Variants in GPN1 observed in about 807,000 individuals in gnomAD.
The protein encoded by GPN1 is GPN-loop GTPase 1.
In GPN1, 44 loss-of-function variants were observed where a neutral mutation model predicts 55.9. The ratio of observed to expected loss-of-function variants is 0.79; its 90% CI spans 0.62 to 1.01. The LOEUF (loss-of-function observed/expected upper bound fraction) is 1.01, where lower values mean the gene tolerates loss of function less well. GPN1 is among the 50% of genes least tolerant of loss of function. The probability of loss-of-function intolerance (pLI) is 0.00; values close to 1 mark genes in which losing one functional copy is unlikely to be tolerated. For synonymous variants in GPN1, 179 were observed against 162.5 expected, an observed-to-expected ratio of 1.10 and a Z score of -0.77; for missense variants, 466 against 462.8, an observed-to-expected ratio of 1.01 and a Z score of -0.06.
intron 5 of GPN1, 82 bp downstream of exon 5, chr2:27,632,752 G>A (rs570103913): frequency 1.1e-6 from 1 of 917,504 alleles, no homozygotes; most frequent in Non-Finnish European, 1.8e-6. Context: ...GATACCATCA[G>A]CCTCTGAAAG....
rs543997693 is a variant in GPN1 at position 27,630,775 on chromosome 2, G to A, written c.206-252G>A. Among the ~76,000 whole-genome samples, 5 of 152,138 alleles carry A rather than the reference G, an allele frequency of 3.3e-5. No homozygotes were observed. The South Asian group carries it at 1.0e-3, about 32-fold the overall frequency. On this transcript the variant is annotated intron_variant, in intron 2 of 13. Transcript: ENST00000610189. ...CTTGATTTTTGCCTCCCTTTTTCTA[G>A]GCATGTTTAAGTTGCATGAAACTTT... is the stretch of plus-strand genomic sequence containing the variant.
At chr2:27,649,822 C>T (rs150858504) in intron 13 of GPN1, among the ~76,000 whole-genome samples, 2 of 152,262 alleles carry the variant, frequency 1.3e-5, no homozygotes, top group Admixed American at 6.5e-5. Context: ...CAACTATAAA[C>T]GTTTCCAAAT....
chr2:27,628,935 C>G, upstream of GPN1: 1 of 1,513,362 alleles, frequency 6.6e-7, no homozygotes, highest in South Asian at 1.3e-5. Flanking sequence ...CCCTGGCAAC[C>G]GCCGCGCCCC....
At chr2:27,628,877 C>T, upstream of GPN1, 5 of 1,465,154 alleles carry the variant, frequency 3.4e-6, no homozygotes, top group Non-Finnish European at 4.5e-6. Context: ...CACTTCCTCG[C>T]CACTGTCACT....
At chr2:27,645,361 C>T (rs954388879) in intron 12 of GPN1, among the ~76,000 whole-genome samples, 2 of 152,038 alleles carry the variant, frequency 1.3e-5, no homozygotes, top group African/African-American at 4.8e-5. Flanking sequence ...AATTATGTTT[C>T]AATATCTGCT....
At position 27,629,054 on chromosome 2, in the gene GPN1, G is replaced by A. The variant is rs1330121494; in HGVS notation, c.-5G>A. Reference sequence around the variant, plus strand: ...TATGGTCGGGTGGGTGGGGCCAGGAGGAAGATGGCGGCGTCCGCAGCTGCC... The same window carrying A: ...TATGGTCGGGTGGGTGGGGCCAGGAAGAAGATGGCGGCGTCCGCAGCTGCC... On this transcript the variant is annotated 5_prime_UTR_variant, in exon 1 of 14. Transcript: ENST00000610189. 5 of 1,614,212 alleles carry A rather than the reference G, an allele frequency of 3.1e-6. No homozygotes were observed. The highest frequency in any genetic ancestry group is 2.2e-5 in the South Asian group (2 of 91,080).
At chr2:27,628,828 T>C (rs1470304728), upstream of GPN1, 12 of 1,477,376 alleles carry the variant, frequency 8.1e-6, no homozygotes, top group East Asian at 2.5e-5. Flanking sequence ...GCCCTTTTCC[T>C]AGCTCCCTTC....
chr2:27,646,962 C>G (rs930525698), intron 12 of GPN1, among the ~76,000 whole-genome samples: 29 of 152,308 alleles, frequency 1.9e-4, no homozygotes, highest in Non-Finnish European at 4.4e-5. Flanking sequence ...GTTAAAACTA[C>G]TGCTGCAAAG....
At chr2:27,628,292 G>T, upstream of GPN1, 2 of 1,133,202 alleles carry the variant, frequency 1.8e-6, no homozygotes, top group South Asian at 1.6e-5. Context: ...TGGGTGGTCA[G>T]GAGTAGAAAT....
chr2:27,648,475 T>C (rs1674354236), intron 13 of GPN1, among the ~76,000 whole-genome samples: 1 of 152,150 alleles, frequency 6.6e-6, no homozygotes, highest in Admixed American at 6.5e-5. Context: ...GCTATGACTG[T>C]GCCACAGAAC....
intron 12 of GPN1, among the ~76,000 whole-genome samples, chr2:27,645,793 G>GA (rs978452983): frequency 7.9e-5 from 12 of 151,912 alleles, no homozygotes; most frequent in Non-Finnish European, 1.5e-4. Context: ...GCAGTGGTGT[G>GA]ATCTTGGCTC....
At position 27,650,407 on chromosome 2, in the gene GPN1, C is replaced by G. The variant is rs908598271; in HGVS notation, c.*207C>G. ...ACCTGGCAGGTTAATGCTGATTATT[C>G]CTTGGCCTTTCCCTTGTATTTATGC... On this transcript the variant is annotated 3_prime_UTR_variant, in exon 14 of 14. Transcript: ENST00000610189. 6 of 378,176 alleles carry G rather than the reference C, an allele frequency of 1.6e-5. No individual in the cohort carries two copies. Among genetic ancestry groups the G allele is most frequent in the Non-Finnish European group, 2.4e-5 (5 of 205,874 alleles). The allele number at this position is 378,176 out of a possible 1,614,324, so 23.4% of individuals were successfully genotyped here.
chr2:27,642,676 G>A (rs900648200), intron 12 of GPN1, among the ~76,000 whole-genome samples, 157 bp downstream of exon 12: 1 of 152,048 alleles, frequency 6.6e-6, no homozygotes, highest in Non-Finnish European at 1.5e-5. Context: ...CAGTTCTCCT[G>A]CCTCAGCCTT....
intron 3 of GPN1, chr2:27,631,371 C>T: frequency 2.2e-6 from 1 of 461,584 alleles, no homozygotes; most frequent in South Asian, 2.7e-5. Flanking sequence ...GTCACCACCT[C>T]TTTAGACTGG....
chr2:27,634,355 G>A (rs900925573), intron 5 of GPN1, among the ~76,000 whole-genome samples: 4 of 152,012 alleles, frequency 2.6e-5, no homozygotes, highest in Admixed American at 6.6e-5. Flanking sequence ...CCCATTTAAG[G>A]TATACAATTC....
chr2:27,629,836 A>G (rs370932847), intron 1 of GPN1, 23 bp from the exon 2 acceptor site: 33 of 1,358,588 alleles, frequency 2.4e-5, no homozygotes, highest in Non-Finnish European at 3.2e-5. Context: ...TCTCCTTCCA[A>G]CCCTCTCCCC....
Position 27,631,828 on chromosome 2 carries a change from G to A in GPN1, c.246-6G>A, listed in dbSNP as rs1423962794. On this transcript the variant is annotated splice_polypyrimidine_tract_variant and splice_region_variant and intron_variant, in intron 3 of 13. Transcript: ENST00000610189. ...AAGCGATTTCAGTCCTCAACTTGGTGTCTAGATATGGACTTGGACCCAATG... is the reference window on the plus strand; with the variant it reads ...AAGCGATTTCAGTCCTCAACTTGGTATCTAGATATGGACTTGGACCCAATG... 3 of 1,562,094 alleles carry A rather than the reference G, an allele frequency of 1.9e-6. No homozygotes were observed. The highest frequency in any genetic ancestry group is 1.7e-5 in the Admixed American group (1 of 59,984).
At chr2:27,634,969 G>A in intron 6 of GPN1, 45 bp downstream of exon 6, 1 of 1,125,018 alleles carries the variant, frequency 8.9e-7, no homozygotes, top group South Asian at 1.2e-5. Flanking sequence ...AGAGGGGCTA[G>A]ACTGGATGAG....
At chr2:27,631,651 G>T (rs1673556935) in intron 3 of GPN1, 183 bp from the exon 4 acceptor site, 2 of 605,122 alleles carry the variant, frequency 3.3e-6, no homozygotes, top group Non-Finnish European at 5.9e-6. Flanking sequence ...TCAAATGAGT[G>T]AGCCAGACCT....
Sources: gnomAD v4.1 joint callset for allele counts (sites outside exome capture counted in the v4.1 genomes callset) on GRCh38, gnomAD v4.1.1 for gene constraint, MANE v1.5 for transcripts, NCBI Gene and HGNC (gene_info 2026-07-23, HGNC 2026-07-21) for gene names.